Variants in ST6GALNAC3 observed in about 807,000 individuals in gnomAD.
The protein encoded by ST6GALNAC3 is alpha-N-acetylgalactosaminide alpha-2,6-sialyltransferase 3.
Under a neutral mutation model 32.7 loss-of-function variants are expected in ST6GALNAC3, and 25 were observed. That is an observed-to-expected ratio of 0.76 (90% confidence interval 0.56 to 1.07). The LOEUF (loss-of-function observed/expected upper bound fraction) is 1.07. Among genes scored for constraint, ST6GALNAC3 ranks in the 50% least tolerant of loss-of-function variants. ST6GALNAC3 has a pLI of 0.00. For synonymous variants in ST6GALNAC3, 129 were observed against 133.1 expected, an observed-to-expected ratio of 0.97 and a Z score of 0.21; for missense variants, 355 against 382.4, an observed-to-expected ratio of 0.93 and a Z score of 0.60.
At chr1:76,280,929 A>T (rs1001610234) in intron 1 of ST6GALNAC3, among the ~76,000 whole-genome samples, 5 of 152,194 alleles carry the variant, frequency 3.3e-5, no homozygotes, top group Admixed American at 2.0e-4. Context: ...CCACCCAACT[A>T]TGCATTTATT....
At chr1:76,394,774 A>ATAGGCTC (rs1486126363) in intron 2 of ST6GALNAC3, among the ~76,000 whole-genome samples, 1 of 152,140 alleles carries the variant, frequency 6.6e-6, no homozygotes, top group African/African-American at 2.4e-5. Context: ...GGCTTATTAA[A>ATAGGCTC]TAGGCTCTAT....
chr1:76,177,141 A>AT (rs1011162748), intron 1 of ST6GALNAC3, among the ~76,000 whole-genome samples: 23 of 151,926 alleles, frequency 1.5e-4, no homozygotes, highest in South Asian at 4.2e-4. Flanking sequence ...TTTTACTACA[A>AT]TTTTTTTTTA....
chr1:76,249,920 TC>T (rs1287269395), intron 1 of ST6GALNAC3, among the ~76,000 whole-genome samples: 1 of 152,230 alleles, frequency 6.6e-6, no homozygotes, highest in Non-Finnish European at 1.5e-5. Flanking sequence ...GAATGCATAT[TC>T]ACATTCTTTG....
intron 3 of ST6GALNAC3, among the ~76,000 whole-genome samples, chr1:76,579,370 C>CAATATTTTATTTATAAATATTTATAAAAT (rs1646859110): frequency 6.6e-6 from 1 of 151,926 alleles, no homozygotes; most frequent in African/African-American, 2.4e-5. Context: ...CATATTATTT[C>CAATATTTTATTTATAAATATTTATAAAAT]ATTTCAAAAT....
At chr1:76,153,063 A>G (rs1045990356) in intron 1 of ST6GALNAC3, among the ~76,000 whole-genome samples, 1 of 152,176 alleles carries the variant, frequency 6.6e-6, no homozygotes, top group Non-Finnish European at 1.5e-5. Context: ...TGGTCTCCAG[A>G]AGTGGGAAGA....
At chr1:76,445,535 T>A (rs1334679861) in intron 3 of ST6GALNAC3, among the ~76,000 whole-genome samples, 2 of 152,218 alleles carry the variant, frequency 1.3e-5, no homozygotes, top group African/African-American at 4.8e-5. Context: ...AAATACACTG[T>A]GTATGGGTGT....
intron 1 of ST6GALNAC3, among the ~76,000 whole-genome samples, chr1:76,198,109 C>A (rs1654311788): frequency 6.6e-6 from 1 of 152,176 alleles, no homozygotes; most frequent in Non-Finnish European, 1.5e-5. Context: ...ACAATCAGGG[C>A]TCACTGCAGC....
chr1:76,487,131 C>T (rs1481935966), intron 3 of ST6GALNAC3, among the ~76,000 whole-genome samples: 3 of 152,106 alleles, frequency 2.0e-5, no homozygotes, highest in East Asian at 1.9e-4. Context: ...GTGGGTAACC[C>T]GACCTTTCTC....
chr1:76,358,183 T>A (rs1012555056), intron 2 of ST6GALNAC3, among the ~76,000 whole-genome samples: 1 of 152,168 alleles, frequency 6.6e-6, no homozygotes, highest in East Asian at 1.9e-4. Flanking sequence ...CAGTCTTAGA[T>A]GCCCTATTCT....
intron 1 of ST6GALNAC3, among the ~76,000 whole-genome samples, chr1:76,153,048 A>G: frequency 6.6e-6 from 1 of 152,230 alleles, no homozygotes. Context: ...GATATTGGAT[A>G]CAACTGGTCT....
chr1:76,265,427 A>G (rs988723535), intron 1 of ST6GALNAC3, among the ~76,000 whole-genome samples: 5 of 152,134 alleles, frequency 3.3e-5, no homozygotes, highest in Non-Finnish European at 1.5e-5. Context: ...CAGAGCAAAA[A>G]CATTGCATTT....
At chr1:76,458,022 T>G (rs375796566) in intron 3 of ST6GALNAC3, among the ~76,000 whole-genome samples, 7 of 147,110 alleles carry the variant, frequency 4.8e-5, no homozygotes, top group African/African-American at 1.5e-4. Flanking sequence ...TACAATGAAC[T>G]CCAACAAATT....
At chr1:76,272,828 T>C (rs970087484) in intron 1 of ST6GALNAC3, among the ~76,000 whole-genome samples, 1 of 152,162 alleles carries the variant, frequency 6.6e-6, no homozygotes, top group African/African-American at 2.4e-5. Flanking sequence ...CCTAGTTTGG[T>C]TGATCACAGC....
intron 1 of ST6GALNAC3, among the ~76,000 whole-genome samples, chr1:76,144,153 G>T (rs1650525387): frequency 6.6e-6 from 1 of 152,140 alleles, no homozygotes; most frequent in Admixed American, 6.5e-5. Context: ...AGAAGCATGG[G>T]CTCAGGAGTA....
At chr1:76,316,803 A>G (rs1207951723) in intron 2 of ST6GALNAC3, among the ~76,000 whole-genome samples, 1 of 152,118 alleles carries the variant, frequency 6.6e-6, no homozygotes, top group East Asian at 1.9e-4. Flanking sequence ...AATTCAAAAT[A>G]TATTCTGATC....
chr1:76,566,801 A>G (rs1665581429), intron 3 of ST6GALNAC3, among the ~76,000 whole-genome samples: 1 of 152,192 alleles, frequency 6.6e-6, no homozygotes, highest in African/African-American at 2.4e-5. Context: ...ATTACATGAG[A>G]GGAGGTTTGC....
chr1:76,442,718 T>A (rs1656700444), intron 3 of ST6GALNAC3, among the ~76,000 whole-genome samples: 1 of 152,230 alleles, frequency 6.6e-6, no homozygotes, highest in Non-Finnish European at 1.5e-5. Context: ...ACAAGGTACC[T>A]GGCTTAGTGG....
At chr1:76,361,978 A>AC (rs1649983297) in intron 2 of ST6GALNAC3, among the ~76,000 whole-genome samples, 3 of 7,418 alleles carry the variant, frequency 4.0e-4, no homozygotes, top group Non-Finnish European at 6.0e-4. Context: ...ACTCTGTATC[A>AC]AAAAAAAAAA....
intron 3 of ST6GALNAC3, among the ~76,000 whole-genome samples, chr1:76,479,527 C>T (rs948213589): frequency 1.3e-5 from 2 of 152,154 alleles, no homozygotes; most frequent in African/African-American, 2.4e-5. Flanking sequence ...GGCCTTCTTG[C>T]CATGTCATAA....
Sources: allele counts gnomAD v4.1 joint callset (sites outside exome capture counted in the v4.1 genomes callset), GRCh38; gene constraint gnomAD v4.1.1; transcripts MANE v1.5; gene names NCBI Gene and HGNC (gene_info 2026-07-23, HGNC 2026-07-21).